LACC1: variants seen among roughly 807,000 people sequenced by gnomAD.
LACC1 encodes laccase domain multifunctional purine nucleosidase 1, also known as purine nucleoside phosphorylase LACC1.
In LACC1, 25 loss-of-function variants were observed where a neutral mutation model predicts 34.8. The observed-to-expected ratio is 0.72, with a 90% CI of 0.52 to 1.00. The LOEUF (loss-of-function observed/expected upper bound fraction) is 1.00, where lower values mean the gene tolerates loss of function less well. Among genes scored for constraint, LACC1 ranks in the 50% least tolerant of loss-of-function variants. The pLI, the probability that LACC1 is intolerant of heterozygous loss-of-function variation, is 0.00. For synonymous variants in LACC1, 162 were observed against 168.0 expected (o/e 0.96, Z 0.28); for missense variants, 426 against 511.2 (o/e 0.83, Z 1.61).
chr13:43,885,654 C>A lies in LACC1; in HGVS notation c.907+1718C>A, dbSNP rs658788. On this transcript the variant is annotated intron_variant, in intron 4 of 6. Transcript: ENST00000325686. ...CATATAGCCTAAAACTATTAAAACC[C>A]TAGGAGGAAACCTAGGAAATGCCAT... Among the ~76,000 whole-genome samples, 3 of 152,098 alleles carry A rather than the reference C, an allele frequency of 2.0e-5. No individual in the cohort carries two copies. In the South Asian group the frequency reaches 6.2e-4, roughly 32 times the overall value.
At position 43,892,687 on chromosome 13, in the gene LACC1, C is replaced by G. The variant is rs538221777; in HGVS notation, c.*1240C>G. 16 of 152,050 alleles carry G rather than the reference C, an allele frequency of 1.1e-4. No homozygotes were observed. The East Asian group carries it at 2.9e-3, about 28-fold the overall frequency. The allele number at this position is 152,050 out of a possible 1,614,324, so 9.4% of individuals were successfully genotyped here. ...GAGATGATACCTGATTCTATTGGAG[C>G]AGGTTTGATCATCTAGGCAGAAATT... On this transcript the variant is annotated 3_prime_UTR_variant, in exon 7 of 7. Transcript: ENST00000325686.
intron 4 of LACC1, among the ~76,000 whole-genome samples, chr13:43,888,405 T>C (rs1955428973): frequency 1.3e-5 from 2 of 152,206 alleles, no homozygotes; most frequent in African/African-American, 4.8e-5. Flanking sequence ...TACTGAACTG[T>C]ATACTTAGAA....
rs1053812984 is a variant in LACC1 at position 43,892,911 on chromosome 13, G to T, written c.*1464G>T. The T allele has an allele frequency of 6.6e-6, 1 of 152,220 alleles. No individual in the cohort carries two copies. 9.4% of individuals were successfully genotyped at this position (152,220 alleles called of 1,614,324 possible). On this transcript the variant is annotated 3_prime_UTR_variant, in exon 7 of 7. Coordinates refer to ENST00000325686, the MANE Select transcript of LACC1 (RefSeq NM_153218.4). ...CTGTTCTATAGGCAGTGGTCATTGA[G>T]TCAGCTTTCAGTGCATTAGGAAGAA...
At chr13:43,889,198 G>A (rs906890404) in intron 5 of LACC1, among the ~76,000 whole-genome samples, 1 of 152,056 alleles carries the variant, frequency 6.6e-6, no homozygotes, top group Admixed American at 6.6e-5. Context: ...ATCTTTCATT[G>A]ATTTAAAAGT....
intron 1 of LACC1, among the ~76,000 whole-genome samples, chr13:43,880,632 A>G (rs1161573303): frequency 1.3e-5 from 2 of 152,238 alleles, no homozygotes; most frequent in East Asian, 3.8e-4. Context: ...GACACTCTGC[A>G]ATTTAAAAAC....
chr13:43,886,392 A>G (rs989701920), intron 4 of LACC1, among the ~76,000 whole-genome samples: 16 of 152,170 alleles, frequency 1.1e-4, no homozygotes. Context: ...TAAAGAAAAT[A>G]TGGTACATAT....
rs1474391019 is a variant in LACC1, at chr13:43,893,361, CAT to C, written c.*1917_*1918del. 2.0e-5 allele frequency: 3 copies of C among 151,976 alleles called. No homozygotes were observed. In the East Asian group the frequency reaches 5.8e-4, roughly 29 times the overall value. 9.4% of individuals were successfully genotyped at this position (151,976 alleles called of 1,614,324 possible). ...AATTTGTGATGAATTAAGATTTGAA[CAT>C]ATGTTTTGTGACTCCAGTTTTCCTT... On this transcript the variant is annotated 3_prime_UTR_variant, in exon 7 of 7. Transcript: ENST00000325686.
chr13:43,887,637 T>C (rs1478094490), intron 4 of LACC1, among the ~76,000 whole-genome samples: 2 of 151,992 alleles, frequency 1.3e-5, no homozygotes, highest in Non-Finnish European at 2.9e-5. Context: ...AAGGGAGAGA[T>C]GAAAACTGCA....
At chr13:43,890,453 T>C (rs1232716047) in intron 6 of LACC1, among the ~76,000 whole-genome samples, 179 bp downstream of exon 6, 1 of 152,242 alleles carries the variant, frequency 6.6e-6, no homozygotes, top group Non-Finnish European at 1.5e-5. Flanking sequence ...TTTCTACTTT[T>C]TTAGTGATGT....
chr13:43,889,910 T>C, intron 5 of LACC1: 1 of 528,664 alleles, frequency 1.9e-6, no homozygotes, highest in Non-Finnish European at 3.3e-6. Context: ...ACTGTGCATA[T>C]ATGAACTTAG....
Position 43,891,491 on chromosome 13 carries a change from C to T in LACC1, c.*44C>T, listed in dbSNP as rs1955566982. The T allele has an allele frequency of 1.0e-6, 1 of 983,968 alleles. No homozygotes were observed. The highest frequency in any genetic ancestry group is 1.7e-5 in the African/African-American group (1 of 57,206). 61.0% of individuals were successfully genotyped at this position (983,968 alleles called of 1,614,324 possible). ...TGTATAACTGCTTCCTGCCTCCTTC[C>T]AAACTGACTGCAAGAGAGAAATTTA... On this transcript the variant is annotated 3_prime_UTR_variant, in exon 7 of 7. Coordinates refer to ENST00000325686, the MANE Select transcript of LACC1 (RefSeq NM_153218.4).
In LACC1 at chr13:43,890,221, G is replaced by A. The variant is rs780404334; in HGVS notation, c.1241G>A (p.Arg414Gln). ...CHPDKFFSHV[R>Q]DGLNFGTQIG... Reference sequence around the variant, plus strand: ...CCTGACAAGTTTTTCTCCCATGTCCGAGATGGCCTTAATTTTGGTACACAG... The same window carrying A: ...CCTGACAAGTTTTTCTCCCATGTCCAAGATGGCCTTAATTTTGGTACACAG... The change falls in exon 6 of 7, where the codon CGA (arginine) becomes CAA (glutamine). Residue 414 changes from arginine to glutamine, a missense_variant. Physicochemically the swap from Arg to Gln is conservative, Grantham distance 43 (BLOSUM62 1). This residue lies in a region of LACC1 where 209 missense variants were observed against 300.3 expected (regional missense o/e 0.70). Transcript: ENST00000325686. The A allele has an allele frequency of 1.7e-5, 27 of 1,613,434 alleles. No homozygotes were observed. Among genetic ancestry groups the A allele is most frequent in the African/African-American group, 2.7e-5 (2 of 74,830 alleles).
At chr13:43,888,090 A>C (rs1021754139) in intron 4 of LACC1, among the ~76,000 whole-genome samples, 1 of 152,178 alleles carries the variant, frequency 6.6e-6, no homozygotes, top group Non-Finnish European at 1.5e-5. Context: ...ATGTGTGTGC[A>C]TACAATGGAA....
At chr13:43,889,244 T>C (rs1328803245) in intron 5 of LACC1, among the ~76,000 whole-genome samples, 1 of 152,206 alleles carries the variant, frequency 6.6e-6, no homozygotes, top group East Asian at 1.9e-4. Context: ...TTTTAAGAGA[T>C]CTACTTAAAC....
At chr13:43,886,161 T>A (rs1237758900) in intron 4 of LACC1, among the ~76,000 whole-genome samples, 3 of 152,200 alleles carry the variant, frequency 2.0e-5, no homozygotes, top group Non-Finnish European at 2.9e-5. Context: ...CTAGTGGGAA[T>A]GTAAATTAGT....
chr13:43,882,508 T>C, intron 3 of LACC1, 145 bp downstream of exon 3: 1 of 548,406 alleles, frequency 1.8e-6, no homozygotes, highest in Non-Finnish European at 3.1e-6. Context: ...TTCTTAGATT[T>C]ATACACCATA....
Position 43,886,688 on chromosome 13 carries a change from G to A in LACC1, c.908-2069G>A, listed in dbSNP as rs957998174. 6.6e-5 allele frequency among the ~76,000 whole-genome samples: 10 copies of A among 152,164 alleles called. No individual in the cohort carries two copies. In the East Asian group the frequency reaches 1.4e-3, roughly 21 times the overall value. ...TTGGGTGATGAAATCGTTTGTACAC[G>A]AAACCCCAGTGACATGCAATTTACC... On this transcript the variant is annotated intron_variant, in intron 4 of 6. Coordinates refer to ENST00000325686, the MANE Select transcript of LACC1 (RefSeq NM_153218.4).
At position 43,882,168 on chromosome 13, in the gene LACC1, C is replaced by T. The variant is rs1955100261; in HGVS notation, c.563-17C>T. The T allele has an allele frequency of 6.3e-7, 1 of 1,580,262 alleles. No individual in the cohort carries two copies. The highest frequency in any genetic ancestry group is 1.8e-5 in the Admixed American group (1 of 55,288). On this transcript the variant is annotated splice_polypyrimidine_tract_variant and intron_variant, in intron 2 of 6. Coordinates refer to ENST00000325686, the MANE Select transcript of LACC1 (RefSeq NM_153218.4). Reference sequence around the variant, plus strand: ...TTGAATAGCATCTTTTAAATCTTCACTGCTTATCTTCAACAGATATTTTCA... The same window carrying T: ...TTGAATAGCATCTTTTAAATCTTCATTGCTTATCTTCAACAGATATTTTCA...
chr13:43,888,662 C>A, intron 4 of LACC1, 95 bp from the exon 5 acceptor site: 2 of 941,908 alleles, frequency 2.1e-6, no homozygotes, highest in Admixed American at 2.1e-5. Flanking sequence ...GAAAAATATA[C>A]AAACTAAATC....
Sources: allele counts gnomAD v4.1 joint callset (sites outside exome capture counted in the v4.1 genomes callset), GRCh38; gene constraint gnomAD v4.1.1; regional missense constraint gnomAD v4.1.1; transcripts MANE v1.5; gene names NCBI Gene and HGNC (gene_info 2026-07-23, HGNC 2026-07-21).